The following RAB10 variants were observed in gnomAD, a reference collection of about 807,000 sequenced individuals.
The protein encoded by RAB10 is ras-related protein Rab-10.
Under a neutral mutation model 25.7 loss-of-function variants are expected in RAB10, and 5 were observed. That is an observed-to-expected ratio of 0.19 (90% CI 0.10 to 0.41). The LOEUF is 0.41. RAB10 is among the 10% of genes least tolerant of loss of function. RAB10 has a pLI of 1.00. For missense variants in RAB10, 103 were observed against 245.8 expected, an observed-to-expected ratio of 0.42 and a Z score of 3.89; for synonymous variants, 89 against 86.4, an observed-to-expected ratio of 1.03 and a Z score of -0.16.
intron 1 of RAB10, among the ~76,000 whole-genome samples, chr2:26,094,418 A>G (rs547652639): frequency 6.7e-6 from 1 of 150,264 alleles, no homozygotes; most frequent in African/African-American, 2.5e-5. Context: ...CACCCGGCTA[A>G]TTTTTATATT....
At chr2:26,098,746 T>C in intron 2 of RAB10, 24 bp downstream of exon 2, 1 of 1,523,116 alleles carries the variant, frequency 6.6e-7, no homozygotes, top group Non-Finnish European at 9.0e-7. Context: ...ATTTACTTTA[T>C]GTAGCAGAAT....
intron 1 of RAB10, among the ~76,000 whole-genome samples, chr2:26,058,374 CAGAA>C (rs1666313079): frequency 6.6e-6 from 1 of 152,106 alleles, no homozygotes. Context: ...CTTTCAATCT[CAGAA>C]AGAACATGTA....
chr2:26,044,990 T>A (rs961495679), intron 1 of RAB10, among the ~76,000 whole-genome samples: 13 of 151,814 alleles, frequency 8.6e-5, no homozygotes, highest in Admixed American at 1.3e-4. Flanking sequence ...TGTGGTTTTG[T>A]TTTTGTTTTT....
intron 1 of RAB10, among the ~76,000 whole-genome samples, chr2:26,043,424 A>G (rs892580446): frequency 9.2e-5 from 14 of 152,206 alleles, no homozygotes; most frequent in African/African-American, 3.1e-4. Context: ...CCCTGTCTCA[A>G]AACAAACAAC....
At chr2:26,123,084 G>C (rs768647099) in intron 3 of RAB10, among the ~76,000 whole-genome samples, 6 of 152,106 alleles carry the variant, frequency 3.9e-5, no homozygotes, top group Non-Finnish European at 8.8e-5. Context: ...GTCTTTTGAA[G>C]CTGCCAGTTT....
intron 1 of RAB10, among the ~76,000 whole-genome samples, chr2:26,097,498 G>A (rs557533169): frequency 1.7e-4 from 26 of 152,196 alleles, no homozygotes; most frequent in African/African-American, 6.0e-4. Flanking sequence ...GACTGGTCTC[G>A]AACTCCTGAC....
At chr2:26,047,609 G>T (rs1186528485) in intron 1 of RAB10, among the ~76,000 whole-genome samples, 1 of 151,674 alleles carries the variant, frequency 6.6e-6, no homozygotes, top group African/African-American at 2.4e-5. Flanking sequence ...TAGAGATGGG[G>T]TTTGACTACA....
intron 2 of RAB10, among the ~76,000 whole-genome samples, chr2:26,106,297 A>G (rs972797987): frequency 3.9e-5 from 6 of 152,226 alleles, no homozygotes; most frequent in African/African-American, 1.4e-4. Context: ...TTGACAAAGT[A>G]AAATAAGTGG....
chr2:26,086,936 A>G (rs1380955004), intron 1 of RAB10, among the ~76,000 whole-genome samples: 1 of 152,172 alleles, frequency 6.6e-6, no homozygotes, highest in African/African-American at 2.4e-5. Flanking sequence ...ACTGAGACAG[A>G]ATACAGATGA....
Position 26,117,632 on chromosome 2 carries a change from A to C in RAB10, c.327+7726A>C, listed in dbSNP as rs1028892236. 7.9e-4 allele frequency among the ~76,000 whole-genome samples: 115 copies of C among 145,744 alleles called. 2 individuals are homozygous for C. The highest frequency in any genetic ancestry group is 2.3e-4 in the Non-Finnish European group (15 of 66,404). On this transcript the variant is annotated intron_variant, in intron 3 of 5. Coordinates refer to ENST00000264710, the MANE Select transcript of RAB10 (RefSeq NM_016131.5). ...GAGACTCCGTCTCAAAAAAAAAAAA[A>C]AAACAAAAAAAACAAAAGAGTTAGG...
intron 1 of RAB10, among the ~76,000 whole-genome samples, chr2:26,054,080 C>T (rs1332479446): frequency 4.8e-5 from 6 of 125,542 alleles, no homozygotes; most frequent in African/African-American, 1.9e-4. Context: ...TGGAGTCTTG[C>T]TCTGTCGCCC....
chr2:26,094,571 T>G (rs1472011302), intron 1 of RAB10, among the ~76,000 whole-genome samples: 1 of 150,544 alleles, frequency 6.6e-6, no homozygotes, highest in African/African-American at 2.5e-5. Flanking sequence ...TATTATGTAT[T>G]TTTTTGAGAC....
chr2:26,048,165 A>G (rs1666056847), intron 1 of RAB10, among the ~76,000 whole-genome samples: 1 of 151,932 alleles, frequency 6.6e-6, no homozygotes, highest in Non-Finnish European at 1.5e-5. Context: ...TAAAGCTGCT[A>G]GGAATATTTT....
At chr2:26,120,610 G>A (rs777019411) in intron 3 of RAB10, among the ~76,000 whole-genome samples, 1 of 150,876 alleles carries the variant, frequency 6.6e-6, no homozygotes, top group East Asian at 1.9e-4. Context: ...TTTTTCTTGA[G>A]ACGGAGTCTC....
rs192028222 is a variant in RAB10, at chr2:26,136,751, G to A, written c.*1730G>A. 11 of 152,676 alleles carry A rather than the reference G, an allele frequency of 7.2e-5. No homozygotes were observed. The East Asian group carries it at 2.1e-3, about 29-fold the overall frequency. 9.5% of individuals were successfully genotyped at this position (152,676 alleles called of 1,614,324 possible). A position where few individuals can be genotyped will look rare whatever the true frequency, so the allele number is the denominator to read the frequency against. ...GGCTCACATAAGCAAACAACATAGG[G>A]ACGTATCTGCTATGAAAATCCACAA... On this transcript the variant is annotated 3_prime_UTR_variant, in exon 6 of 6. Transcript: ENST00000264710.
At chr2:26,100,085 A>G (rs866942374) in intron 2 of RAB10, among the ~76,000 whole-genome samples, 1 of 152,160 alleles carries the variant, frequency 6.6e-6, no homozygotes, top group Non-Finnish European at 1.5e-5. Context: ...TTCTAGGCTT[A>G]CTGATGATCT....
At chr2:26,117,358 A>C (rs896514581) in intron 3 of RAB10, among the ~76,000 whole-genome samples, 14 of 152,088 alleles carry the variant, frequency 9.2e-5, no homozygotes, top group African/African-American at 3.1e-4. Context: ...TCATGCTTGT[A>C]ATCCCAGCAC....
At chr2:26,045,519 G>A (rs1401736522) in intron 1 of RAB10, among the ~76,000 whole-genome samples, 8 of 152,116 alleles carry the variant, frequency 5.3e-5, no homozygotes, top group African/African-American at 1.2e-4. Flanking sequence ...GATTACAGGC[G>A]TGAGCCACCG....
At chr2:26,126,636 G>A (rs527286114) in intron 3 of RAB10, among the ~76,000 whole-genome samples, 2 of 152,240 alleles carry the variant, frequency 1.3e-5, no homozygotes, top group South Asian at 4.1e-4. Context: ...ATGAATTTTT[G>A]GATAGATCTT....
Sources: allele counts gnomAD v4.1 joint callset (sites outside exome capture counted in the v4.1 genomes callset), GRCh38; gene constraint gnomAD v4.1.1; transcripts MANE v1.5; gene names NCBI Gene and HGNC (gene_info 2026-07-23, HGNC 2026-07-21).